LYN: variants seen among roughly 807,000 people sequenced by gnomAD.
LYN encodes the protein tyrosine-protein kinase Lyn.
Under a neutral mutation model 65.0 loss-of-function variants are expected in LYN, and 12 were observed. The ratio of observed to expected loss-of-function variants is 0.18; its 90% CI spans 0.12 to 0.30. The LOEUF (loss-of-function observed/expected upper bound fraction) is 0.30, where lower values mean the gene tolerates loss of function less well. LYN is among the 10% of genes least tolerant of loss of function. The pLI, the probability that LYN is intolerant of heterozygous loss-of-function variation, is 1.00. For missense variants in LYN, 380 were observed against 623.2 expected (o/e 0.61, Z 4.16); for synonymous variants, 222 against 221.2 (o/e 1.00, Z -0.03).
rs536544953 is a variant in LYN at position 55,973,087 on chromosome 8, G to A, written c.1050+3294G>A. Among the ~76,000 whole-genome samples, 70 of 152,228 alleles carry A rather than the reference G, an allele frequency of 4.6e-4. No homozygotes were observed. In the South Asian group the frequency reaches 0.013, roughly 28 times the overall value. ...TAGAAGAATAAGGGAAACTGTGAGGGGCAGAGTTGGGACTTTTCCCACCAT... is the reference window on the plus strand; with the variant it reads ...TAGAAGAATAAGGGAAACTGTGAGGAGCAGAGTTGGGACTTTTCCCACCAT... On this transcript the variant is annotated intron_variant, in intron 10 of 12. Transcript: ENST00000519728.
chr8:55,954,845 AAT>A (rs1807059866), intron 8 of LYN, among the ~76,000 whole-genome samples: 1 of 143,622 alleles, frequency 7.0e-6, no homozygotes, highest in Non-Finnish European at 1.6e-5. Context: ...AAAATAAATA[AAT>A]AAATAAATAA....
At position 56,010,347 on chromosome 8, in the gene LYN, T is replaced by C; in HGVS notation, c.*237T>C. On this transcript the variant is annotated 3_prime_UTR_variant, in exon 13 of 13. Transcript: ENST00000519728. ...ACTTGTCCTCAGCAGCTGGTAATCT[T>C]GCTCTGCTTGACAACATCTGAGTGC... The C allele has an allele frequency of 4.0e-6, 2 of 500,692 alleles. No individual in the cohort carries two copies. Among genetic ancestry groups the C allele is most frequent in the Non-Finnish European group, 7.3e-6 (2 of 274,934 alleles). The allele number at this position is 500,692 out of a possible 1,614,324, so 31.0% of individuals were successfully genotyped here.
At position 55,941,895 on chromosome 8, in the gene LYN, G is replaced by C. The variant is rs1473699462; in HGVS notation, c.36G>C (p.Leu12Phe). 1 of 1,613,042 alleles carries C rather than the reference G, an allele frequency of 6.2e-7. No homozygotes were observed. The highest frequency in any genetic ancestry group is 1.1e-5 in the South Asian group (1 of 91,060). Residue 12 changes from leucine (L) to phenylalanine (F), a missense_variant, in exon 2 of 13, where the codon TTG becomes TTC. By Grantham distance (22) the Leu-to-Phe change is conservative (BLOSUM62 0). This residue lies in a region of LYN where 157 missense variants were observed against 193.2 expected (regional missense o/e 0.81). Transcript: ENST00000519728. ...GCIKSKGKDSLSDDGVDLKTQ... is the reference protein window; with the variant it reads ...GCIKSKGKDSFSDDGVDLKTQ... Reference sequence around the variant, plus strand: ...TAAAATCAAAAGGGAAAGACAGCTTGAGTGACGATGGAGTAGATTTGAAGA... The same window carrying C: ...TAAAATCAAAAGGGAAAGACAGCTTCAGTGACGATGGAGTAGATTTGAAGA...
At chr8:55,902,611 AAAC>A (rs1021901165) in intron 1 of LYN, 19 of 330,248 alleles carry the variant, frequency 5.8e-5, no homozygotes, top group African/African-American at 1.1e-4. Flanking sequence ...TACAAAAAAA[AAAC>A]AACAACAACA....
intron 1 of LYN, among the ~76,000 whole-genome samples, chr8:55,892,666 C>T (rs1025864067): frequency 1.3e-5 from 2 of 151,982 alleles, no homozygotes; most frequent in Non-Finnish European, 2.9e-5. Context: ...TCTCGAGATC[C>T]CAAAGTCCTG....
chr8:55,956,747 C>T (rs1280582234), intron 8 of LYN, among the ~76,000 whole-genome samples: 1 of 152,202 alleles, frequency 6.6e-6, no homozygotes, highest in South Asian at 2.1e-4. Context: ...GATCCAGGGA[C>T]TTCTGCGTTC....
At chr8:55,985,668 A>G (rs1808055424) in intron 10 of LYN, among the ~76,000 whole-genome samples, 1 of 152,182 alleles carries the variant, frequency 6.6e-6, no homozygotes, top group Non-Finnish European at 1.5e-5. Context: ...CTTCTCAGCT[A>G]TCTGACATGG....
intron 1 of LYN, among the ~76,000 whole-genome samples, chr8:55,900,838 C>T (rs761404093): frequency 6.6e-6 from 1 of 152,104 alleles, no homozygotes; most frequent in Non-Finnish European, 1.5e-5. Flanking sequence ...GAGAATAGCT[C>T]TTGGAAATCT....
intron 1 of LYN, among the ~76,000 whole-genome samples, chr8:55,918,559 A>T (rs1389272045): frequency 2.6e-5 from 4 of 152,218 alleles, no homozygotes; most frequent in African/African-American, 9.6e-5. Context: ...TCTAGAAACG[A>T]TTGTTAAGGA....
chr8:55,918,550 C>T (rs1173859252), intron 1 of LYN, among the ~76,000 whole-genome samples: 1 of 152,170 alleles, frequency 6.6e-6, no homozygotes, highest in Non-Finnish European at 1.5e-5. Context: ...GAAGACAGAT[C>T]TAGAAACGAT....
At chr8:55,982,023 G>T (rs576416934) in intron 10 of LYN, among the ~76,000 whole-genome samples, 1 of 152,324 alleles carries the variant, frequency 6.6e-6, no homozygotes, top group African/African-American at 2.4e-5. Context: ...GCCTCTCGTG[G>T]CCTCTCCCTG....
At chr8:55,981,608 T>A (rs2667982) in intron 10 of LYN, among the ~76,000 whole-genome samples, 2 of 151,980 alleles carry the variant, frequency 1.3e-5, no homozygotes, top group African/African-American at 4.8e-5. Context: ...CTCCCACCTC[T>A]GCCTCCCAAA....
chr8:55,938,494 CCTGCTGTGA>C (rs1413777693), intron 1 of LYN, among the ~76,000 whole-genome samples: 5 of 152,234 alleles, frequency 3.3e-5, no homozygotes, highest in Non-Finnish European at 7.3e-5. Context: ...CTTCCTCTCT[CCTGCTGTGA>C]CTCATGACGT....
chr8:55,903,720 G>A (rs1805345011), intron 1 of LYN, among the ~76,000 whole-genome samples: 1 of 152,132 alleles, frequency 6.6e-6, no homozygotes, highest in South Asian at 2.1e-4. Context: ...TCTAAATGTA[G>A]AATTTAAAGT....
intron 1 of LYN, among the ~76,000 whole-genome samples, chr8:55,883,049 C>T (rs1014013300): frequency 1.2e-4 from 19 of 152,134 alleles, no homozygotes; most frequent in Admixed American, 7.9e-4. Context: ...TAAACATGGT[C>T]GAAACACTCA....
intron 10 of LYN, among the ~76,000 whole-genome samples, chr8:55,978,742 A>G (rs565850790): frequency 6.6e-6 from 1 of 152,320 alleles, no homozygotes; most frequent in African/African-American, 2.4e-5. Flanking sequence ...TCTGACACGC[A>G]GTCAGAGAGC....
chr8:55,977,661 C>T (rs1237345271), intron 10 of LYN, among the ~76,000 whole-genome samples: 1 of 151,642 alleles, frequency 6.6e-6, no homozygotes, highest in East Asian at 1.9e-4. Context: ...GCCTGTAATC[C>T]CAGCTCTTTG....
chr8:55,947,658 C>A lies in LYN; in HGVS notation c.219C>A (p.Pro73=). ...EQGDIVVALY[P]YDGIHPDDLS... ...GAGACATTGTGGTAGCCTTGTACCC[C>A]TATGATGGCATCCACCCGGACGACT... is the stretch of plus-strand genomic sequence containing the variant. The change falls in exon 4 of 13, where the codon CCC becomes CCA. Residue 73 remains proline (P), a synonymous_variant. Coordinates refer to ENST00000519728, the MANE Select transcript of LYN (RefSeq NM_002350.4). The A allele has an allele frequency of 6.2e-7, 1 of 1,613,966 alleles. No homozygotes were observed. The highest frequency in any genetic ancestry group is 1.1e-5 in the South Asian group (1 of 91,076).
At chr8:55,953,722 G>C in intron 7 of LYN, 110 bp from the exon 8 acceptor site, 1 of 867,280 alleles carries the variant, frequency 1.2e-6, no homozygotes, top group Non-Finnish European at 1.7e-6. Context: ...TTAGTTCACA[G>C]ACTGCGGCAG....
Sources: allele counts gnomAD v4.1 joint callset (sites outside exome capture counted in the v4.1 genomes callset), GRCh38; gene constraint gnomAD v4.1.1; regional missense constraint gnomAD v4.1.1; transcripts MANE v1.5; gene names NCBI Gene and HGNC (gene_info 2026-07-23, HGNC 2026-07-21).